The following KIF16B variants were observed in gnomAD, a reference collection of about 807,000 sequenced individuals.
KIF16B encodes kinesin-like protein KIF16B.
KIF16B carries 98 observed loss-of-function variants against 156.3 expected under a neutral mutation model. The observed-to-expected ratio is 0.63, with a 90% confidence interval of 0.53 to 0.74. The LOEUF (loss-of-function observed/expected upper bound fraction) is 0.74. Ranked by LOEUF, KIF16B falls within the 30% of genes least tolerant of loss-of-function variation. The pLI is 0.00. For missense variants in KIF16B, 1,421 were observed against 1,606.5 expected (o/e 0.88, Z 1.97); for synonymous variants, 564 against 583.7 (o/e 0.97, Z 0.49).
At chr20:16,420,859 G>T (rs1038395640) in intron 15 of KIF16B, among the ~76,000 whole-genome samples, 1 of 152,084 alleles carries the variant, frequency 6.6e-6, no homozygotes, top group African/African-American at 2.4e-5. Context: ...GGGAAACCAG[G>T]ATTACCTGGA....
At chr20:16,517,820 T>C (rs1177360921) in intron 3 of KIF16B, among the ~76,000 whole-genome samples, 20 of 152,228 alleles carry the variant, frequency 1.3e-4, no homozygotes, top group Non-Finnish European at 4.4e-5. Flanking sequence ...CCATTTTTTA[T>C]GAATTCACTA....
chr20:16,503,665 C>T (rs2068688079), intron 10 of KIF16B, among the ~76,000 whole-genome samples: 1 of 152,204 alleles, frequency 6.6e-6, no homozygotes, highest in Non-Finnish European at 1.5e-5. Flanking sequence ...AGCTATCCTT[C>T]ATTTTCTTTC....
At chr20:16,349,334 C>T (rs1022697664) in intron 23 of KIF16B, among the ~76,000 whole-genome samples, 1 of 152,172 alleles carries the variant, frequency 6.6e-6, no homozygotes, top group Non-Finnish European at 1.5e-5. Context: ...GCTCTGTGAG[C>T]CTTTCTGTAC....
chr20:16,301,094 C>T (rs2063465401), intron 25 of KIF16B, among the ~76,000 whole-genome samples: 1 of 152,160 alleles, frequency 6.6e-6, no homozygotes, highest in Admixed American at 6.5e-5. Flanking sequence ...ACCATATAAT[C>T]TTTTCAAATT....
rs151322384 is a variant in KIF16B, at chr20:16,309,489, C to T, written c.3795+2846G>A. The stretch of plus-strand genomic sequence containing the variant: ...GACAGTGAGAAATTTCTGTTCCTAT[C>T]CATCATTTCTAAAAATAAATATTTT... On this transcript the variant is annotated intron_variant, in intron 25 of 25. Coordinates refer to ENST00000354981, the MANE Select transcript of KIF16B (RefSeq NM_024704.5). Among the ~76,000 whole-genome samples the T allele has an allele frequency of 4.2e-3, 643 of 152,262 alleles. 3 individuals are homozygous for T. Among genetic ancestry groups the T allele is most frequent in the South Asian group, 0.03 (143 of 4,814 alleles).
chr20:16,367,527 C>T (rs41308637), intron 22 of KIF16B: 21,423 of 1,612,784 alleles, frequency 0.013, 179 homozygotes, highest in Non-Finnish European at 0.016. Context: ...GAAGGACTAG[C>T]GACTGGCACT....
chr20:16,419,015 G>C (rs79832525), intron 15 of KIF16B, among the ~76,000 whole-genome samples: 17,184 of 151,942 alleles, frequency 0.11, 1,191 homozygotes, highest in Non-Finnish European at 0.17. Context: ...CAGAATCACA[G>C]ACATAAAAAA....
intron 12 of KIF16B, 139 bp from the exon 13 acceptor site, chr20:16,430,121 C>A (rs763150565): frequency 9.0e-6 from 8 of 884,212 alleles, no homozygotes; most frequent in South Asian, 4.0e-5. Flanking sequence ...CCTTAAACTT[C>A]GTGTTGAAAT....
chr20:16,344,339 G>A (rs781500718), intron 23 of KIF16B, among the ~76,000 whole-genome samples: 11 of 152,150 alleles, frequency 7.2e-5, no homozygotes, highest in Non-Finnish European at 1.5e-4. Context: ...ATTGCTCCTC[G>A]ATGTGATCTG....
intron 24 of KIF16B, among the ~76,000 whole-genome samples, chr20:16,313,565 C>T (rs181373089): frequency 8.4e-4 from 128 of 152,318 alleles, no homozygotes; most frequent in Admixed American, 2.4e-3. Flanking sequence ...CCCAGAGCTG[C>T]ACTTGCTCCC....
chr20:16,528,726 C>T (rs1177197369), intron 1 of KIF16B, among the ~76,000 whole-genome samples: 2 of 152,076 alleles, frequency 1.3e-5, no homozygotes, highest in South Asian at 4.1e-4. Context: ...ATAACAGACA[C>T]CACAAAGAGC....
chr20:16,541,007 A>G (rs1257114236), intron 1 of KIF16B, among the ~76,000 whole-genome samples: 1 of 152,112 alleles, frequency 6.6e-6, no homozygotes, highest in Non-Finnish European at 1.5e-5. Flanking sequence ...TAACACCTGC[A>G]CCCTCAGTAC....
intron 12 of KIF16B, among the ~76,000 whole-genome samples, chr20:16,460,569 A>C (rs565574688): frequency 2.4e-4 from 37 of 152,284 alleles, no homozygotes; most frequent in Middle Eastern, 6.8e-3. Context: ...CTCCAAAAAA[A>C]AAAAATATTC....
chr20:16,287,651 T>A (rs1328969791), intron 25 of KIF16B, among the ~76,000 whole-genome samples: 1 of 152,224 alleles, frequency 6.6e-6, no homozygotes, highest in Admixed American at 6.5e-5. Flanking sequence ...GCATTTAAAA[T>A]CCATGTGATA....
chr20:16,314,546 T>C (rs2063668246), intron 24 of KIF16B, among the ~76,000 whole-genome samples: 1 of 152,222 alleles, frequency 6.6e-6, no homozygotes, highest in African/African-American at 2.4e-5. Flanking sequence ...CCATGGGCAC[T>C]GAGGCAAGAC....
intron 25 of KIF16B, among the ~76,000 whole-genome samples, chr20:16,293,006 A>G (rs1268847264): frequency 1.3e-5 from 2 of 152,234 alleles, no homozygotes; most frequent in Admixed American, 6.5e-5. Context: ...AGACAGAAAG[A>G]CAAAGCAAGA....
intron 25 of KIF16B, among the ~76,000 whole-genome samples, chr20:16,297,140 C>G (rs145309128): frequency 0.012 from 1,761 of 152,310 alleles, 17 homozygotes; most frequent in Non-Finnish European, 0.018. Flanking sequence ...ACTACACCAT[C>G]GGCTTTCCTG....
In KIF16B at chr20:16,388,965, C is replaced by T. The variant is rs907876082; in HGVS notation, c.1785-7218G>A. ...AATGCTTGAGCAGGCAGCTGCAGTGCGGGTAGATAGGGAGGGTAACGGAAG... is the reference window on the plus strand; with the variant it reads ...AATGCTTGAGCAGGCAGCTGCAGTGTGGGTAGATAGGGAGGGTAACGGAAG... On this transcript the variant is annotated intron_variant, in intron 17 of 25. Transcript: ENST00000354981. Among the ~76,000 whole-genome samples, 8 of 152,144 alleles carry T rather than the reference C, an allele frequency of 5.3e-5. No homozygotes were observed. In the South Asian group the frequency reaches 1.5e-3, roughly 28 times the overall value.
chr20:16,293,028 A>T (rs2063335083), intron 25 of KIF16B, among the ~76,000 whole-genome samples: 1 of 152,204 alleles, frequency 6.6e-6, no homozygotes, highest in African/African-American at 2.4e-5. Context: ...AACGACAGAG[A>T]TAGAAAATAC....
Sources: gnomAD v4.1 joint callset for allele counts (sites outside exome capture counted in the v4.1 genomes callset) on GRCh38, gnomAD v4.1.1 for gene constraint, MANE v1.5 for transcripts, NCBI Gene and HGNC (gene_info 2026-07-23, HGNC 2026-07-21) for gene names.